The following NGEF variants were observed in gnomAD, a reference collection of about 807,000 sequenced individuals.
NGEF encodes neuronal guanine nucleotide exchange factor, also known as ephexin-1.
A neutral mutation model predicts 80.9 loss-of-function variants in NGEF; 31 were observed. The ratio of observed to expected loss-of-function variants is 0.38; its 90% CI spans 0.29 to 0.52. The LOEUF is 0.52. NGEF is among the 20% of genes least tolerant of loss of function. The pLI, the probability that NGEF is intolerant of heterozygous loss-of-function variation, is 0.84. For synonymous variants in NGEF, 371 were observed against 370.2 expected (o/e 1.00, Z -0.03); for missense variants, 709 against 926.2 (o/e 0.77, Z 3.04).
chr2:232,926,449 T>G (rs1161041963), intron 4 of NGEF, among the ~76,000 whole-genome samples: 1 of 152,136 alleles, frequency 6.6e-6, no homozygotes, highest in Non-Finnish European at 1.5e-5. Flanking sequence ...CCACACAGGC[T>G]GAGCCTCGGC....
At chr2:232,886,800 T>C (rs1691710638) in intron 9 of NGEF, among the ~76,000 whole-genome samples, 1 of 152,240 alleles carries the variant, frequency 6.6e-6, no homozygotes. Flanking sequence ...GGCTGCTGTC[T>C]GGTGGTGGCT....
intron 5 of NGEF, among the ~76,000 whole-genome samples, chr2:232,910,794 G>A (rs1171050289): frequency 6.6e-6 from 1 of 152,198 alleles, no homozygotes; most frequent in Middle Eastern, 3.2e-3. Context: ...CTGTATATCT[G>A]CTTTGGTGAA....
intron 1 of NGEF, among the ~76,000 whole-genome samples, chr2:233,009,230 C>A (rs1695152375): frequency 6.6e-6 from 1 of 152,208 alleles, no homozygotes; most frequent in Non-Finnish European, 1.5e-5. Flanking sequence ...CATCATGAGA[C>A]CCACTTCACA....
intron 3 of NGEF, among the ~76,000 whole-genome samples, chr2:232,940,760 A>T (rs1216036616): frequency 6.6e-6 from 1 of 152,224 alleles, no homozygotes; most frequent in Non-Finnish European, 1.5e-5. Context: ...GTTTATAAAT[A>T]GACTTTTATA....
intron 3 of NGEF, among the ~76,000 whole-genome samples, chr2:232,934,423 T>C (rs1481507202): frequency 6.6e-6 from 1 of 151,440 alleles, no homozygotes; most frequent in East Asian, 1.9e-4. Context: ...AATATTAAAG[T>C]GAAATTACGT....
At chr2:232,928,036 G>T (rs1041061346) in intron 3 of NGEF, 47 of 1,189,848 alleles carry the variant, frequency 4.0e-5, no homozygotes, top group Non-Finnish European at 4.8e-5. Flanking sequence ...GGCCGGGTCG[G>T]GGGCCACGCC....
At chr2:232,909,601 G>A (rs1457329276) in intron 5 of NGEF, among the ~76,000 whole-genome samples, 1 of 152,060 alleles carries the variant, frequency 6.6e-6, no homozygotes, top group Admixed American at 6.5e-5. Flanking sequence ...TGGACTTTTG[G>A]GGAGTGTACA....
rs1692912903 is a variant in NGEF, at chr2:232,920,362, G to A, written c.750C>T (p.Asn250=). 2 of 1,614,060 alleles carry A rather than the reference G, an allele frequency of 1.2e-6. No homozygotes were observed. Among genetic ancestry groups the A allele is most frequent in the Admixed American group, 1.7e-5 (1 of 59,998 alleles). Residue 250 remains asparagine (N), a synonymous_variant, in exon 5 of 15, where the codon AAC becomes AAT. Transcript: ENST00000264051. The part of the protein sequence containing the change: ...CLLSNPHSRF[N]LWQDLPEIRS... Reference sequence around the variant, plus strand: ...GGATCTCGGGAAGATCCTGCCAGAGGTTGAACCTTGAGTGGGGGTTACTGA... The same window carrying A: ...GGATCTCGGGAAGATCCTGCCAGAGATTGAACCTTGAGTGGGGGTTACTGA...
At chr2:233,002,919 C>A (rs543190612) in intron 1 of NGEF, among the ~76,000 whole-genome samples, 108 of 152,278 alleles carry the variant, frequency 7.1e-4, no homozygotes, top group Non-Finnish European at 6.3e-4. Context: ...TGTGACAAGC[C>A]CCCTGGGGGA....
At chr2:233,006,836 C>T (rs549482142) in intron 1 of NGEF, among the ~76,000 whole-genome samples, 8 of 152,064 alleles carry the variant, frequency 5.3e-5, no homozygotes, top group Non-Finnish European at 8.8e-5. Context: ...CCGACTCATC[C>T]GAGGTCACAC....
intron 1 of NGEF, among the ~76,000 whole-genome samples, chr2:232,984,339 T>C (rs1193150502): frequency 1.3e-5 from 2 of 152,086 alleles, no homozygotes; most frequent in African/African-American, 4.8e-5. Flanking sequence ...CAATCATCCT[T>C]CCTCAGCCTC....
chr2:232,882,099 C>G, intron 13 of NGEF, 87 bp downstream of exon 13: 1 of 1,268,208 alleles, frequency 7.9e-7, no homozygotes, highest in Non-Finnish European at 1.1e-6. Context: ...GAGGGCTTCC[C>G]TCCAGGCAGG....
intron 1 of NGEF, among the ~76,000 whole-genome samples, chr2:233,002,139 C>T (rs542920349): frequency 1.3e-5 from 2 of 152,292 alleles, no homozygotes; most frequent in East Asian, 3.9e-4. Flanking sequence ...CTCCTGTCCT[C>T]CTTCCAGCTG....
Position 232,900,320 on chromosome 2 carries a change from T to TCA in NGEF, c.829-5406_829-5405dup, listed in dbSNP as rs1330644008. The stretch of plus-strand genomic sequence containing the variant: ...CACTCATATACACGTTCACTCACAT[T>TCA]CACTCACACACGCTCTCACAGTCAC... On this transcript the variant is annotated intron_variant, in intron 5 of 14. Transcript: ENST00000264051. 1.2e-4 allele frequency among the ~76,000 whole-genome samples: 8 copies of TCA among 64,428 alleles called. 2 individuals carry two copies. The highest frequency in any genetic ancestry group is 5.9e-4 in the African/African-American group (8 of 13,606). The allele number at this position is 64,428 out of a possible 152,430, so 42.3% of individuals were successfully genotyped here. A position where few individuals can be genotyped will look rare whatever the true frequency, so the allele number is the denominator to read the frequency against.
intron 3 of NGEF, among the ~76,000 whole-genome samples, chr2:232,964,465 G>A: frequency 6.6e-6 from 1 of 151,874 alleles, no homozygotes; most frequent in Non-Finnish European, 1.5e-5. Context: ...GGCTGAGGCA[G>A]GCAGATGCCT....
intron 4 of NGEF, among the ~76,000 whole-genome samples, chr2:232,921,095 T>G (rs1460540284): frequency 6.6e-6 from 1 of 152,218 alleles, no homozygotes; most frequent in Admixed American, 6.5e-5. Flanking sequence ...ACATTCCCTT[T>G]TTTGCTTTCA....
chr2:232,914,757 G>A (rs185992237), intron 5 of NGEF, among the ~76,000 whole-genome samples: 201 of 151,738 alleles, frequency 1.3e-3, no homozygotes, highest in African/African-American at 4.8e-3. Context: ...AGTGGCTCAC[G>A]CCTGTAATCC....
At chr2:232,890,968 C>T (rs1691864044) in intron 8 of NGEF, 1 of 474,158 alleles carries the variant, frequency 2.1e-6, no homozygotes, top group African/African-American at 2.0e-5. Context: ...AAGCGGTTCC[C>T]TCTGCGTGGA....
chr2:232,978,173 G>A (rs56101526), intron 1 of NGEF, among the ~76,000 whole-genome samples: 86,899 of 150,922 alleles, frequency 0.58, 26,113 homozygotes, highest in African/African-American at 0.72. Flanking sequence ...TTTTTTTTTG[G>A]CTTTCAAGGT....
Sources: gnomAD v4.1 joint callset for allele counts (sites outside exome capture counted in the v4.1 genomes callset) on GRCh38, gnomAD v4.1.1 for gene constraint, MANE v1.5 for transcripts, NCBI Gene and HGNC (gene_info 2026-07-23, HGNC 2026-07-21) for gene names.